The following NUTM2G variants were observed in gnomAD, a reference collection of about 807,000 sequenced individuals.
NUTM2G encodes the protein family with sequence similarity 22, member G.
In NUTM2G, 29 loss-of-function variants were observed where a neutral mutation model predicts 44.3. The observed-to-expected ratio is 0.66, with a 90% CI of 0.49 to 0.89. NUTM2G has a LOEUF of 0.89. Ranked by LOEUF, NUTM2G falls within the 40% of genes least tolerant of loss-of-function variation. The pLI, the probability that NUTM2G is intolerant of heterozygous loss-of-function variation, is 0.00. For missense variants in NUTM2G, 502 were observed against 946.5 expected (o/e 0.53, Z 6.16); for synonymous variants, 205 against 395.9 (o/e 0.52, Z 5.72).
chr9:96,936,229 G>C (rs1340072243), intron 3 of NUTM2G, among the ~76,000 whole-genome samples, 196 bp from the exon 4 acceptor site: 1 of 151,360 alleles, frequency 6.6e-6, no homozygotes, highest in Non-Finnish European at 1.5e-5. Flanking sequence ...CATGGGCTCT[G>C]CAGGGGCCGG....
chr9:96,935,354 G>C lies in NUTM2G; in HGVS notation c.740G>C (p.Arg247Pro). Reference protein sequence around the residue: ...LIPVLRSLARRKPTMTLEEGL... With the variant: ...LIPVLRSLARPKPTMTLEEGL... Reference sequence around the variant, plus strand: ...CCAGTTCTCCGATCCCTGGCCCGGCGGAAGCCCACCATGACGCTGGAGGAG... The same window carrying C: ...CCAGTTCTCCGATCCCTGGCCCGGCCGAAGCCCACCATGACGCTGGAGGAG... The change falls in exon 3 of 7, where the codon CGG becomes CCG. Residue 247 changes from arginine to proline, a missense_variant. Coordinates refer to ENST00000372322, the MANE Select transcript of NUTM2G (RefSeq NM_001170741.3). The C allele has an allele frequency of 6.2e-7, 1 of 1,612,044 alleles. No individual in the cohort carries two copies. The highest frequency in any genetic ancestry group is 8.5e-7 in the Non-Finnish European group (1 of 1,179,864).
At chr9:96,933,339 G>A (rs1294679644) in intron 2 of NUTM2G, among the ~76,000 whole-genome samples, 6 of 151,584 alleles carry the variant, frequency 4.0e-5, no homozygotes, top group Admixed American at 2.0e-4. Flanking sequence ...AGGGTTCTTG[G>A]TGTGACGTGA....
At chr9:96,932,978 CTTT>C (rs573653882) in intron 2 of NUTM2G, among the ~76,000 whole-genome samples, 6 of 129,412 alleles carry the variant, frequency 4.6e-5, no homozygotes, top group Non-Finnish European at 9.8e-5. Context: ...CTTTTCTTTT[CTTT>C]TTTTTTTTTT....
At chr9:96,930,006 T>G (rs1215912860) in intron 1 of NUTM2G, among the ~76,000 whole-genome samples, 30 of 152,268 alleles carry the variant, frequency 2.0e-4, no homozygotes, top group African/African-American at 7.2e-4. Context: ...ATGTGTGTCC[T>G]GACTGATGAG....
chr9:96,938,330 GC>G, intron 6 of NUTM2G, 33 bp from the exon 7 acceptor site: 1 of 1,339,186 alleles, frequency 7.5e-7, no homozygotes, highest in South Asian at 1.4e-5. Context: ...CACACCTGGG[GC>G]AGCGCCAGTA....
At chr9:96,942,105 CACTGG>C (rs1390720947), downstream of NUTM2G, among the ~76,000 whole-genome samples, 1 of 151,942 alleles carries the variant, frequency 6.6e-6, no homozygotes, top group Non-Finnish European at 1.5e-5. Context: ...CTCCCTTCAC[CACTGG>C]ACGACAGATC....
downstream of NUTM2G, chr9:96,940,266 G>C (rs1488161175): frequency 6.5e-6 from 1 of 152,892 alleles, no homozygotes; most frequent in Non-Finnish European, 1.4e-5. Context: ...AGCAGGGGCT[G>C]CCTGGGATGT....
Position 96,936,661 on chromosome 9 carries a change from G to A in NUTM2G, c.982+97G>A, listed in dbSNP as rs1454122635. 1.6e-5 allele frequency: 24 copies of A among 1,486,902 alleles called. No homozygotes were observed. In the Admixed American group the frequency reaches 4.4e-4, roughly 28 times the overall value. The allele number at this position is 1,486,902 out of a possible 1,614,324, so 92.1% of individuals were successfully genotyped here. A position where few individuals can be genotyped will look rare whatever the true frequency, so the allele number is the denominator to read the frequency against. The stretch of plus-strand genomic sequence containing the variant: ...ATCCCATGCTTCCCTTCAAGAGGGG[G>A]ATTTGCTCCCTCCAACAGGACAGCT... On this transcript the variant is annotated intron_variant, in intron 4 of 6. Transcript: ENST00000372322.
intron 1 of NUTM2G, among the ~76,000 whole-genome samples, chr9:96,930,792 A>T (rs1473353737): frequency 7.1e-6 from 1 of 140,790 alleles, no homozygotes; most frequent in Non-Finnish European, 1.5e-5. Flanking sequence ...CAGGACAATC[A>T]CTTGCATGCT....
intron 1 of NUTM2G, among the ~76,000 whole-genome samples, chr9:96,929,970 C>CTAT (rs916867465): frequency 1.3e-4 from 20 of 151,950 alleles, no homozygotes; most frequent in African/African-American, 4.1e-4. Flanking sequence ...GAAGACAGTC[C>CTAT]TATTATTATT....
chr9:96,935,710 C>T (rs1035169400), intron 3 of NUTM2G, among the ~76,000 whole-genome samples: 5 of 152,138 alleles, frequency 3.3e-5, no homozygotes, highest in Admixed American at 2.0e-4. Flanking sequence ...GGGGTCATGG[C>T]GGGAGCAGCC....
Position 96,932,232 on chromosome 9 carries a change from G to C in NUTM2G, c.527G>C (p.Gly176Ala), listed in dbSNP as rs2119023075. The change falls in exon 2 of 7, where the codon GGG becomes GCG. Residue 176 changes from glycine to alanine, a missense_variant. Coordinates refer to ENST00000372322, the MANE Select transcript of NUTM2G (RefSeq NM_001170741.3). ...VAPIVSPGNA[G>A]PWPQGAHGEG... is the part of the protein sequence containing the mutation. ...CCCATCGTGTCCCCAGGGAACGCTGGGCCATGGCCACAAGGGGCTCATGGA... is the reference window on the plus strand; with the variant it reads ...CCCATCGTGTCCCCAGGGAACGCTGCGCCATGGCCACAAGGGGCTCATGGA... The C allele has an allele frequency of 6.2e-7, 1 of 1,614,020 alleles. No individual in the cohort carries two copies. The highest frequency in any genetic ancestry group is 1.7e-5 in the Admixed American group (1 of 60,028).
intron 4 of NUTM2G, 113 bp downstream of exon 4, chr9:96,936,677 C>A (rs1826442902): frequency 1.4e-6 from 2 of 1,470,408 alleles, no homozygotes; most frequent in Non-Finnish European, 1.8e-6. Context: ...CTCCCTCCAA[C>A]AGGACAGCTT....
At chr9:96,933,088 C>T (rs1826319254) in intron 2 of NUTM2G, among the ~76,000 whole-genome samples, 1 of 151,220 alleles carries the variant, frequency 6.6e-6, no homozygotes, top group South Asian at 2.1e-4. Flanking sequence ...CGTCATTCTC[C>T]TGCCTCAGGC....
chr9:96,934,418 C>A (rs545309962), intron 2 of NUTM2G, among the ~76,000 whole-genome samples: 34 of 152,128 alleles, frequency 2.2e-4, no homozygotes, highest in Admixed American at 8.5e-4. Flanking sequence ...GGTTGCATCC[C>A]CCCTTGGAGC....
At chr9:96,936,866 C>T (rs1248340745) in intron 4 of NUTM2G, among the ~76,000 whole-genome samples, 198 bp from the exon 5 acceptor site, 1 of 152,192 alleles carries the variant, frequency 6.6e-6, no homozygotes, top group Non-Finnish European at 1.5e-5. Context: ...CACGGCATAT[C>T]GGTGGCTCCA....
chr9:96,931,803 C>G lies in NUTM2G; in HGVS notation c.98C>G (p.Pro33Arg), dbSNP rs1298933599. ...SVFTALPFAT[P>R]SPGPTHRPPL... Reference sequence around the variant, plus strand: ...TTCACGGCTCTGCCCTTTGCCACACCCTCTCCCGGCCCAACACACAGGCCG... The same window carrying G: ...TTCACGGCTCTGCCCTTTGCCACACGCTCTCCCGGCCCAACACACAGGCCG... Residue 33 changes from proline to arginine, a missense_variant, in exon 2 of 7, where the codon CCC becomes CGC. Transcript: ENST00000372322. The G allele has an allele frequency of 6.2e-7, 1 of 1,611,766 alleles. No homozygotes were observed.
At position 96,939,167 on chromosome 9, in the gene NUTM2G, ACT is replaced by A. The variant is rs1186983315; in HGVS notation, c.*23_*24del. ...GCCAGTAGGGGCCGCCATGGGGCAG[ACT>A]CTCTGATGCCAGTCCCCAAAAGTGG... is the stretch of plus-strand genomic sequence containing the variant. On this transcript the variant is annotated 3_prime_UTR_variant, in exon 7 of 7. Coordinates refer to ENST00000372322, the MANE Select transcript of NUTM2G (RefSeq NM_001170741.3). 3.6e-5 allele frequency: 22 copies of A among 605,190 alleles called. 2 individuals carry two copies. The East Asian group carries it at 7.0e-4, about 19-fold the overall frequency. 37.5% of individuals were successfully genotyped at this position (605,190 alleles called of 1,614,324 possible).
chr9:96,933,207 T>C lies in NUTM2G; in HGVS notation c.713+789T>C, dbSNP rs927510377. Among the ~76,000 whole-genome samples the C allele has an allele frequency of 1.2e-4, 18 of 150,976 alleles. No homozygotes were observed. In the South Asian group the frequency reaches 1.3e-3, roughly 11 times the overall value. On this transcript the variant is annotated intron_variant, in intron 2 of 6. Coordinates refer to ENST00000372322, the MANE Select transcript of NUTM2G (RefSeq NM_001170741.3). ...GTTAGCCAGGATGCTCTCAATCTCCTGCCCTGGTGATTCTCCCGCCTCGGC... is the reference window on the plus strand; with the variant it reads ...GTTAGCCAGGATGCTCTCAATCTCCCGCCCTGGTGATTCTCCCGCCTCGGC...
Sources: allele counts gnomAD v4.1 joint callset (sites outside exome capture counted in the v4.1 genomes callset), GRCh38; gene constraint gnomAD v4.1.1; transcripts MANE v1.5; gene names NCBI Gene and HGNC (gene_info 2026-07-23, HGNC 2026-07-21).